UBAP1: variants seen among roughly 807,000 people sequenced by gnomAD.
The protein encoded by UBAP1 is ubiquitin associated protein 1.
A neutral mutation model predicts 39.0 loss-of-function variants in UBAP1; 5 were observed. The ratio of observed to expected loss-of-function variants is 0.13; its 90% CI spans 0.07 to 0.27. The LOEUF (loss-of-function observed/expected upper bound fraction) is 0.27, where lower values mean the gene tolerates loss of function less well. UBAP1 is among the 10% of genes least tolerant of loss of function. UBAP1 has a pLI of 1.00. For missense variants in UBAP1, 490 were observed against 608.1 expected (o/e 0.81, Z 2.04); for synonymous variants, 211 against 225.1 (o/e 0.94, Z 0.56).
At chr9:34,206,513 AAAAAG>A (rs1375933272) in intron 1 of UBAP1, among the ~76,000 whole-genome samples, 17 of 152,120 alleles carry the variant, frequency 1.1e-4, no homozygotes, top group Non-Finnish European at 2.1e-4. Flanking sequence ...CTGTCTCAAA[AAAAAG>A]AAAAGAAAAA....
At chr9:34,233,227 T>TC (rs1395647937) in intron 2 of UBAP1, among the ~76,000 whole-genome samples, 3 of 145,304 alleles carry the variant, frequency 2.1e-5, no homozygotes, top group African/African-American at 5.3e-5. Flanking sequence ...TTTCTCTTCT[T>TC]TTTTTTTTTT....
intron 1 of UBAP1, among the ~76,000 whole-genome samples, chr9:34,181,119 T>TTTTTTTTC (rs1554644670): frequency 1.8e-5 from 2 of 111,752 alleles, no homozygotes; most frequent in African/African-American, 7.2e-5. Flanking sequence ...CTGTTTTCTT[T>TTTTTTTTC]TTTTTTTTTT....
intron 1 of UBAP1, among the ~76,000 whole-genome samples, chr9:34,181,573 C>A (rs181247685): frequency 6.6e-6 from 1 of 150,384 alleles, no homozygotes; most frequent in African/African-American, 2.5e-5. Context: ...GCTGGGACTA[C>A]GGGCTCCCGC....
chr9:34,183,225 C>G (rs1214844924), intron 1 of UBAP1, among the ~76,000 whole-genome samples: 2 of 151,676 alleles, frequency 1.3e-5, no homozygotes, highest in African/African-American at 2.4e-5. Flanking sequence ...TCAAGAAATG[C>G]AAAAAGGTAA....
Position 34,249,974 on chromosome 9 carries a change from TCAGC to T in UBAP1, c.1266+17_1266+20del. ...GAATATTGAGCAGGTGAGCGGTTGG[TCAGC>T]CAGGAGGGCAGGCTCAGACCTGTGG... On this transcript the variant is annotated intron_variant, in intron 5 of 6. Transcript: ENST00000297661. 5.0e-6 allele frequency: 8 copies of T among 1,613,268 alleles called. No individual in the cohort carries two copies. The highest frequency in any genetic ancestry group is 6.8e-6 in the Non-Finnish European group (8 of 1,179,756).
chr9:34,182,719 C>T (rs1830159964), intron 1 of UBAP1, among the ~76,000 whole-genome samples: 2 of 139,400 alleles, frequency 1.4e-5, no homozygotes, highest in African/African-American at 2.6e-5. Context: ...CTCTCTCTTT[C>T]TCTCTCTCCT....
At chr9:34,182,091 G>A (rs1051320277) in intron 1 of UBAP1, among the ~76,000 whole-genome samples, 9 of 149,932 alleles carry the variant, frequency 6.0e-5, no homozygotes, top group African/African-American at 2.2e-4. Flanking sequence ...GCTAGTGCAC[G>A]TATTTTTGAC....
intron 2 of UBAP1, among the ~76,000 whole-genome samples, chr9:34,227,511 C>G (rs972103495): frequency 6.6e-6 from 1 of 152,138 alleles, no homozygotes; most frequent in Non-Finnish European, 1.5e-5. Context: ...CTCCCCCCAC[C>G]TGGAATTGTA....
intron 1 of UBAP1, among the ~76,000 whole-genome samples, chr9:34,205,852 T>A (rs1387380715): frequency 6.6e-6 from 1 of 151,980 alleles, no homozygotes. Flanking sequence ...ATTAGCCAGG[T>A]GTGGTGGCGG....
intron 1 of UBAP1, among the ~76,000 whole-genome samples, chr9:34,195,192 A>C (rs1337974698): frequency 6.6e-6 from 1 of 151,546 alleles, no homozygotes. Context: ...ATTTCATTGA[A>C]GTCCCCTTTA....
chr9:34,183,057 C>T (rs530032435), intron 1 of UBAP1, among the ~76,000 whole-genome samples: 52 of 152,046 alleles, frequency 3.4e-4, no homozygotes, highest in African/African-American at 1.1e-3. Flanking sequence ...GGATTATAGG[C>T]GTGAGCCACT....
At chr9:34,223,906 G>GT (rs1236059458) in intron 2 of UBAP1, 14 of 264,820 alleles carry the variant, frequency 5.3e-5, no homozygotes, top group East Asian at 2.1e-4. Flanking sequence ...TTTTGTTTTT[G>GT]TTTTTTTGTT....
chr9:34,218,644 C>T (rs1045781132), intron 1 of UBAP1, among the ~76,000 whole-genome samples: 3 of 152,154 alleles, frequency 2.0e-5, no homozygotes, highest in Non-Finnish European at 2.9e-5. Flanking sequence ...TTAGAAGTCT[C>T]ACTGTGAGAC....
At chr9:34,237,060 G>A (rs941479529) in intron 3 of UBAP1, among the ~76,000 whole-genome samples, 4 of 152,114 alleles carry the variant, frequency 2.6e-5, no homozygotes, top group African/African-American at 9.7e-5. Context: ...TCTAGATTGC[G>A]TGTAAATGCT....
chr9:34,205,653 C>T, intron 1 of UBAP1, among the ~76,000 whole-genome samples: 1 of 152,122 alleles, frequency 6.6e-6, no homozygotes, highest in Non-Finnish European at 1.5e-5. Context: ...AAATCTTTGT[C>T]TGGATTTTAT....
intron 3 of UBAP1, among the ~76,000 whole-genome samples, chr9:34,235,380 C>T (rs1833641224): frequency 1.3e-5 from 2 of 151,514 alleles, no homozygotes; most frequent in Non-Finnish European, 2.9e-5. Context: ...ACTCTGTCGC[C>T]CAGGCTGGAG....
chr9:34,236,554 C>G (rs4879765), intron 3 of UBAP1, among the ~76,000 whole-genome samples: 56,978 of 151,902 alleles, frequency 0.38, 11,702 homozygotes, highest in East Asian at 0.89. Context: ...GGCCCTGTAC[C>G]TCACACAGAC....
At chr9:34,247,068 A>C (rs1834216116) in intron 4 of UBAP1, among the ~76,000 whole-genome samples, 1 of 152,226 alleles carries the variant, frequency 6.6e-6, no homozygotes, top group African/African-American at 2.4e-5. Flanking sequence ...GGTGTTTAAA[A>C]AGTCATATCT....
intron 1 of UBAP1, among the ~76,000 whole-genome samples, chr9:34,205,500 G>A (rs1831634665): frequency 6.6e-6 from 1 of 152,106 alleles, no homozygotes; most frequent in African/African-American, 2.4e-5. Flanking sequence ...GAAATTACAT[G>A]TTAGGTATAA....
Sources: allele counts gnomAD v4.1 joint callset (sites outside exome capture counted in the v4.1 genomes callset), GRCh38; gene constraint gnomAD v4.1.1; transcripts MANE v1.5; gene names NCBI Gene and HGNC (gene_info 2026-07-23, HGNC 2026-07-21).